Variants in CSMD1 observed in about 807,000 individuals in gnomAD.
CSMD1 encodes CUB and sushi domain-containing protein 1.
A neutral mutation model predicts 417.5 loss-of-function variants in CSMD1; 213 were observed. The ratio of observed to expected loss-of-function variants is 0.51; its 90% confidence interval spans 0.46 to 0.57. The LOEUF (loss-of-function observed/expected upper bound fraction) is 0.57. Among genes scored for constraint, CSMD1 ranks in the 20% least tolerant of loss-of-function variants. The pLI is 0.00. For missense variants in CSMD1, 6,923 were observed against 4,529.7 expected (o/e 1.53, Z -15.17); for synonymous variants, 2,862 against 1,736.8 (o/e 1.65, Z -16.11).
intron 5 of CSMD1, among the ~76,000 whole-genome samples, chr8:3,783,941 C>T (rs1056327605): frequency 3.5e-4 from 53 of 152,258 alleles, no homozygotes; most frequent in African/African-American, 1.2e-3. Flanking sequence ...CCCAGCTCTG[C>T]GATTTACCTA....
At chr8:3,049,789 T>C (rs1046395946) in intron 50 of CSMD1, among the ~76,000 whole-genome samples, 2 of 152,090 alleles carry the variant, frequency 1.3e-5, no homozygotes, top group Non-Finnish European at 2.9e-5. Context: ...GGTATGTCAA[T>C]GTAGGTGCAT....
At chr8:3,756,169 C>T (rs771506595) in intron 5 of CSMD1, among the ~76,000 whole-genome samples, 4 of 151,688 alleles carry the variant, frequency 2.6e-5, no homozygotes, top group Non-Finnish European at 4.4e-5. Context: ...ATCATGGCAA[C>T]GGTAAAACCC....
chr8:4,452,565 A>T (rs192480447), intron 2 of CSMD1, among the ~76,000 whole-genome samples: 1 of 152,222 alleles, frequency 6.6e-6, no homozygotes, highest in African/African-American at 2.4e-5. Flanking sequence ...AATCATTTTT[A>T]TCAAGAATAT....
intron 1 of CSMD1, among the ~76,000 whole-genome samples, chr8:4,954,311 T>G (rs1300207316): frequency 6.6e-6 from 1 of 152,156 alleles, no homozygotes; most frequent in Non-Finnish European, 1.5e-5. Flanking sequence ...AGGTTTTAAA[T>G]AAAGGAAGCT....
At chr8:3,382,800 A>G (rs1020004314) in intron 18 of CSMD1, among the ~76,000 whole-genome samples, 2 of 151,708 alleles carry the variant, frequency 1.3e-5, no homozygotes, top group African/African-American at 4.8e-5. Context: ...CTGACCCTTT[A>G]TTTTACATCT....
chr8:4,521,040 C>G (rs1803416989), intron 2 of CSMD1, among the ~76,000 whole-genome samples: 1 of 152,138 alleles, frequency 6.6e-6, no homozygotes, highest in South Asian at 2.1e-4. Flanking sequence ...TATAAAATTA[C>G]TTACAGTCAG....
chr8:4,288,703 G>C (rs1380348960), intron 3 of CSMD1, among the ~76,000 whole-genome samples: 3 of 152,170 alleles, frequency 2.0e-5, no homozygotes, highest in Admixed American at 6.5e-5. Flanking sequence ...GAGTCTTCTA[G>C]TGGATTTTTA....
At chr8:4,212,760 T>TTTTTTTTTTTTG (rs1800398008) in intron 3 of CSMD1, among the ~76,000 whole-genome samples, 1 of 129,416 alleles carries the variant, frequency 7.7e-6, no homozygotes, top group Admixed American at 7.5e-5. Context: ...TCTTTTTTTT[T>TTTTTTTTTTTTG]TTTTTTTTTT....
At chr8:3,313,823 A>ATGTT (rs1283000724) in intron 23 of CSMD1, among the ~76,000 whole-genome samples, 9 of 152,334 alleles carry the variant, frequency 5.9e-5, no homozygotes, top group Non-Finnish European at 8.8e-5. Flanking sequence ...ATGCACACGT[A>ATGTT]TGTTTATAGC....
chr8:4,080,126 A>C (rs959337187), intron 3 of CSMD1, among the ~76,000 whole-genome samples: 3 of 151,826 alleles, frequency 2.0e-5, no homozygotes, highest in Non-Finnish European at 4.4e-5. Context: ...ATACACCCCC[A>C]TAGGTACACC....
intron 7 of CSMD1, among the ~76,000 whole-genome samples, chr8:3,625,065 A>C (rs1030937836): frequency 2.5e-5 from 3 of 119,552 alleles, no homozygotes; most frequent in African/African-American, 5.5e-5. Context: ...TTCTACATGC[A>C]TAACAGTTTT....
intron 1 of CSMD1, among the ~76,000 whole-genome samples, chr8:4,646,046 C>T (rs1352623117): frequency 1.3e-5 from 2 of 152,134 alleles, no homozygotes; most frequent in Non-Finnish European, 1.5e-5. Context: ...TGGAAATAAA[C>T]GATTTTTTTG....
chr8:4,957,227 C>T (rs914673338), intron 1 of CSMD1, among the ~76,000 whole-genome samples: 1 of 152,152 alleles, frequency 6.6e-6, no homozygotes. Context: ...GCCTGGGAGC[C>T]TAATATTACT....
intron 3 of CSMD1, among the ~76,000 whole-genome samples, chr8:4,067,759 G>T (rs1799327989): frequency 6.6e-6 from 1 of 152,090 alleles, no homozygotes; most frequent in Non-Finnish European, 1.5e-5. Context: ...ACAACTAATT[G>T]TATGAACGTT....
At chr8:3,405,111 T>C (rs1812268157) in intron 15 of CSMD1, among the ~76,000 whole-genome samples, 1 of 152,196 alleles carries the variant, frequency 6.6e-6, no homozygotes, top group South Asian at 2.1e-4. Flanking sequence ...AGTTTCTACA[T>C]AACCTTTTCA....
chr8:4,736,510 C>G (rs758300792), intron 1 of CSMD1, among the ~76,000 whole-genome samples: 2 of 152,050 alleles, frequency 1.3e-5, no homozygotes, highest in Non-Finnish European at 2.9e-5. Context: ...GATACTCAAG[C>G]ATACACTGCG....
At chr8:3,405,468 C>T (rs1191009893) in intron 15 of CSMD1, among the ~76,000 whole-genome samples, 1 of 152,078 alleles carries the variant, frequency 6.6e-6, no homozygotes, top group African/African-American at 2.4e-5. Context: ...AATAGTTAAC[C>T]ATAAGCAACA....
At chr8:4,473,167 A>G (rs972805104) in intron 2 of CSMD1, among the ~76,000 whole-genome samples, 3 of 152,194 alleles carry the variant, frequency 2.0e-5, no homozygotes, top group Admixed American at 1.3e-4. Context: ...TAAAATTCCA[A>G]TGATTTTCCA....
chr8:3,943,343 G>T (rs1052694567), intron 5 of CSMD1, among the ~76,000 whole-genome samples: 1 of 147,194 alleles, frequency 6.8e-6, no homozygotes, highest in Non-Finnish European at 1.5e-5. Flanking sequence ...CTTGTAGTGA[G>T]TGAACTCAAT....
Sources: gnomAD v4.1 joint callset for allele counts (sites outside exome capture counted in the v4.1 genomes callset) on GRCh38, gnomAD v4.1.1 for gene constraint, MANE v1.5 for transcripts, NCBI Gene and HGNC (gene_info 2026-07-23, HGNC 2026-07-21) for gene names.